The following CTSC variants were observed in gnomAD, a reference collection of about 807,000 sequenced individuals.
CTSC encodes the protein dipeptidyl peptidase 1.
Under a neutral mutation model 40.9 loss-of-function variants are expected in CTSC, and 37 were observed. The observed-to-expected ratio is 0.91, with a 90% CI of 0.70 to 1.19. CTSC has a LOEUF of 1.19. Among genes scored for constraint, CTSC ranks in the 50% most tolerant of loss-of-function variants. CTSC has a pLI of 0.00. For synonymous variants in CTSC, 232 were observed against 207.4 expected (o/e 1.12, Z -1.02); for missense variants, 594 against 567.3 (o/e 1.05, Z -0.48).
chr11:88,318,243 G>A (rs1020717937), intron 2 of CTSC, among the ~76,000 whole-genome samples: 2 of 152,118 alleles, frequency 1.3e-5, no homozygotes. Context: ...AGTGGACTCC[G>A]CCCTTTAAAT....
chr11:88,334,796 C>T (rs1436145325), intron 2 of CTSC, 141 bp downstream of exon 2: 1 of 666,580 alleles, frequency 1.5e-6, no homozygotes, highest in Non-Finnish European at 2.7e-6. Context: ...ATTATACCAA[C>T]TACTACTACT....
intron 2 of CTSC, chr11:88,324,362 T>C (rs890457689): frequency 2.6e-5 from 26 of 982,062 alleles, no homozygotes; most frequent in Non-Finnish European, 2.8e-5. Flanking sequence ...GCTTTGGTTA[T>C]ATTTACATCC....
At position 88,320,888 on chromosome 11, in the gene CTSC, G is replaced by C. The variant is rs16913776; in HGVS notation, c.319-8334C>G. ...GGTCATATATCGTGTAATACATAGG[G>C]AATCAAATGGTTAGTAAGATGGAGT... On this transcript the variant is annotated intron_variant, in intron 2 of 6. Coordinates refer to ENST00000227266, the MANE Select transcript of CTSC (RefSeq NM_001814.6). 5.8e-3 allele frequency: 5,005 copies of C among 864,172 alleles called. 208 individuals carry two copies. The African/African-American group carries it at 0.081, about 14-fold the overall frequency. The allele number at this position is 864,172 out of a possible 1,614,324, so 53.5% of individuals were successfully genotyped here.
intron 1 of CTSC, among the ~76,000 whole-genome samples, 180 bp from the exon 2 acceptor site, chr11:88,335,262 G>C (rs537569299): frequency 2.0e-5 from 3 of 152,014 alleles, no homozygotes; most frequent in African/African-American, 7.2e-5. Context: ...TTCCTGCTCC[G>C]AGGCAAGACT....
In CTSC at chr11:88,321,179, G is replaced by A. The variant is rs11019309; in HGVS notation, c.319-8625C>T. On this transcript the variant is annotated intron_variant, in intron 2 of 6. Coordinates refer to ENST00000227266, the MANE Select transcript of CTSC (RefSeq NM_001814.6). ...TTTAAGTTCCAGGGTACATGTGTAGGATGTGCAGGTTTCTTACATAGATAA... is the reference window on the plus strand; with the variant it reads ...TTTAAGTTCCAGGGTACATGTGTAGAATGTGCAGGTTTCTTACATAGATAA... 1,970 of 269,486 alleles carry A rather than the reference G, an allele frequency of 7.3e-3. 7 individuals are homozygous for A. The highest frequency in any genetic ancestry group is 9.6e-3 in the Non-Finnish European group (1,695 of 175,872). 16.7% of individuals were successfully genotyped at this position (269,486 alleles called of 1,614,324 possible).
At chr11:88,326,409 TAA>T (rs776501746) in intron 2 of CTSC, 134 of 1,613,772 alleles carry the variant, frequency 8.3e-5, no homozygotes, top group Non-Finnish European at 1.1e-4. Context: ...GCTGTGGTTT[TAA>T]AAGAGTCCCT....
At chr11:88,310,255 C>T (rs1398267688) in intron 3 of CTSC, among the ~76,000 whole-genome samples, 1 of 150,456 alleles carries the variant, frequency 6.6e-6, no homozygotes, top group Non-Finnish European at 1.5e-5. Flanking sequence ...ATTGGTTTAC[C>T]TTGTGCCAAA....
intron 4 of CTSC, among the ~76,000 whole-genome samples, chr11:88,303,964 C>T (rs1027562726): frequency 6.6e-6 from 1 of 151,208 alleles, no homozygotes; most frequent in Non-Finnish European, 1.5e-5. Context: ...ACTTCTGAGG[C>T]CTAATGTGCC....
intron 1 of CTSC, among the ~76,000 whole-genome samples, chr11:88,336,794 C>CA (rs1454885808): frequency 6.6e-6 from 1 of 152,100 alleles, no homozygotes; most frequent in Non-Finnish European, 1.5e-5. Context: ...TAGGGGTAAC[C>CA]ATGTTATCTG....
At chr11:88,336,536 T>A (rs1938500353) in intron 1 of CTSC, among the ~76,000 whole-genome samples, 1 of 137,218 alleles carries the variant, frequency 7.3e-6, no homozygotes, top group African/African-American at 2.8e-5. Context: ...AAGACTCCAT[T>A]CTCAAAAAAA....
chr11:88,336,238 T>TAAA lies in CTSC; in HGVS notation c.173-1159_173-1157dup, dbSNP rs3079112. Reference sequence around the variant, plus strand: ...CTGCCCCAACCTTCAAACTCAAATTTAAAAAAAAAAAAAAAAAAAAGGCCA... The same window carrying TAAA: ...CTGCCCCAACCTTCAAACTCAAATTTAAAAAAAAAAAAAAAAAAAAAAAGGCCA... On this transcript the variant is annotated intron_variant, in intron 1 of 6. Transcript: ENST00000227266. 6.8e-3 allele frequency among the ~76,000 whole-genome samples: 865 copies of TAAA among 127,128 alleles called. 9 individuals carry two copies. Among genetic ancestry groups the TAAA allele is most frequent in the African/African-American group, 0.025 (810 of 32,872 alleles). The allele number at this position is 127,128 out of a possible 152,430, so 83.4% of individuals were successfully genotyped here.
intron 6 of CTSC, among the ~76,000 whole-genome samples, chr11:88,295,445 T>C (rs1192029281): frequency 6.6e-6 from 1 of 151,926 alleles, no homozygotes; most frequent in African/African-American, 2.4e-5. Flanking sequence ...AGTGGCATGA[T>C]ATCGGCTCAC....
Position 88,300,250 on chromosome 11 carries a change from A to C in CTSC, c.757+280T>G, listed in dbSNP as rs372196640. On this transcript the variant is annotated intron_variant, in intron 5 of 6. Coordinates refer to ENST00000227266, the MANE Select transcript of CTSC (RefSeq NM_001814.6). ...ATCTTTCCTACTAGGAGGACAAATG[A>C]GTTTGTCTTACATATCACTCTGATT... Among the ~76,000 whole-genome samples the C allele has an allele frequency of 2.6e-5, 4 of 152,334 alleles. No homozygotes were observed. The East Asian group carries it at 7.7e-4, about 29-fold the overall frequency.
At chr11:88,333,439 C>G (rs1171841441) in intron 2 of CTSC, among the ~76,000 whole-genome samples, 2 of 152,026 alleles carry the variant, frequency 1.3e-5, no homozygotes, top group Admixed American at 1.3e-4. Flanking sequence ...AAGAAAATGA[C>G]AAAAAATTAT....
intron 2 of CTSC, among the ~76,000 whole-genome samples, chr11:88,332,353 T>C (rs1337851046): frequency 6.6e-6 from 1 of 152,252 alleles, no homozygotes; most frequent in Non-Finnish European, 1.5e-5. Flanking sequence ...TGTGTTTTCC[T>C]TGAGTTACGC....
intron 2 of CTSC, among the ~76,000 whole-genome samples, chr11:88,328,701 C>G (rs1464821499): frequency 6.6e-6 from 1 of 152,124 alleles, no homozygotes; most frequent in Non-Finnish European, 1.5e-5. Context: ...AATGTCAGCT[C>G]ACTGCAACCT....
intron 2 of CTSC, among the ~76,000 whole-genome samples, chr11:88,332,843 C>T (rs1306024369): frequency 2.0e-5 from 3 of 152,172 alleles, no homozygotes; most frequent in Admixed American, 6.5e-5. Flanking sequence ...AATAAGGATT[C>T]GATCAATGCC....
chr11:88,316,423 C>G (rs916048676), intron 2 of CTSC, among the ~76,000 whole-genome samples: 3 of 151,856 alleles, frequency 2.0e-5, no homozygotes, highest in African/African-American at 7.3e-5. Flanking sequence ...TTACAGTGAG[C>G]AATGATCCAG....
At position 88,302,540 on chromosome 11, in the gene CTSC, G is replaced by A. The variant is rs760094837; in HGVS notation, c.642-1895C>T. Among the ~76,000 whole-genome samples, 176 of 147,988 alleles carry A rather than the reference G, an allele frequency of 1.2e-3. 1 individual carries two copies. The highest frequency in any genetic ancestry group is 2.1e-3 in the Admixed American group (30 of 14,404). ...ACTCGGGAGGCTGAGGCAGGAGAAT[G>A]GCATGAACCCAGGAGGTGGAGCTTG... On this transcript the variant is annotated intron_variant, in intron 4 of 6. Transcript: ENST00000227266.
Sources: allele counts gnomAD v4.1 joint callset (sites outside exome capture counted in the v4.1 genomes callset), GRCh38; gene constraint gnomAD v4.1.1; transcripts MANE v1.5; gene names NCBI Gene and HGNC (gene_info 2026-07-23, HGNC 2026-07-21).